Variants in ITIH1 observed in about 807,000 individuals in gnomAD.
ITIH1 encodes inter-alpha-trypsin inhibitor heavy chain H1.
Under a neutral mutation model 104.6 loss-of-function variants are expected in ITIH1, and 94 were observed. The ratio of observed to expected loss-of-function variants is 0.90; its 90% CI spans 0.76 to 1.07. The LOEUF is 1.07. Ranked by LOEUF, ITIH1 falls within the 50% of genes least tolerant of loss-of-function variation. ITIH1 has a pLI of 0.00. For missense variants in ITIH1, 1,193 were observed against 1,181.4 expected, an observed-to-expected ratio of 1.01 and a Z score of -0.14; for synonymous variants, 455 against 464.4, an observed-to-expected ratio of 0.98 and a Z score of 0.26.
At chr3:52,783,696 C>T (rs1335190599) in intron 10 of ITIH1, among the ~76,000 whole-genome samples, 3 of 152,090 alleles carry the variant, frequency 2.0e-5, no homozygotes, top group African/African-American at 7.2e-5. Context: ...GGGAACAAGA[C>T]ATATTTCTGC....
chr3:52,782,822 G>A (rs1019423263), intron 8 of ITIH1, 135 bp from the exon 9 acceptor site: 42 of 834,592 alleles, frequency 5.0e-5, no homozygotes, highest in East Asian at 4.1e-4. Context: ...CTCCTGTCTC[G>A]GGGCCACCTG....
Position 52,782,042 on chromosome 3 carries a change from C to T in ITIH1, c.790C>T (p.Arg264Ter), listed in dbSNP as rs754018319. 17 of 1,614,094 alleles carry T rather than the reference C, an allele frequency of 1.1e-5. No homozygotes were observed. In the East Asian group the frequency reaches 2.5e-4, roughly 23 times the overall value. The change falls in exon 7 of 22, where the codon CGA becomes TGA. Residue 264 changes from arginine to a stop codon, truncating the protein, a stop_gained. Transcript: ENST00000273283. LOFTEE classifies it high-confidence loss of function. ...GHFKVTYDVS[R>*]DKICDLLVAN... ...CTTCAAGGTGACCTACGATGTCAGT[C>T]GAGACAAGATCTGCGACCTCCTGGT... is the stretch of plus-strand genomic sequence containing the variant.
chr3:52,778,798 C>A, intron 3 of ITIH1, 144 bp from the exon 4 acceptor site: 1 of 1,045,842 alleles, frequency 9.6e-7, no homozygotes, highest in Non-Finnish European at 1.4e-6. Flanking sequence ...CACCTCATTG[C>A]CCATGGACCC....
intron 18 of ITIH1, among the ~76,000 whole-genome samples, chr3:52,789,064 C>T (rs1196884812): frequency 6.6e-6 from 1 of 152,208 alleles, no homozygotes; most frequent in African/African-American, 2.4e-5. Context: ...CACCCCTGCT[C>T]CCTCCTGTCT....
In ITIH1 at chr3:52,791,807, G is replaced by T; in HGVS notation, c.2632G>T (p.Asp878Tyr). The change falls in exon 22 of 22, where the codon GAC becomes TAC. Residue 878 changes from aspartate to tyrosine, a missense_variant. By Grantham distance (160) the Asp-to-Tyr change is radical (BLOSUM62 -3). Transcript: ENST00000273283. Reference sequence around the variant, plus strand: ...GGGTTTGCAAAAAGACTACAGCAAGGACCCGTGGCATGGGGCCGAGGTGTC... The same window carrying T: ...GGGTTTGCAAAAAGACTACAGCAAGTACCCGTGGCATGGGGCCGAGGTGTC... ...TRGLQKDYSK[D>Y]PWHGAEVSCW... 6.2e-7 allele frequency: 1 copy of T among 1,614,006 alleles called. No homozygotes were observed.
At chr3:52,790,055 G>GA in intron 19 of ITIH1, 1 of 603,930 alleles carries the variant, frequency 1.7e-6, no homozygotes, top group Non-Finnish European at 2.9e-6. Flanking sequence ...CCAGCTGCAT[G>GA]GCAACTGTGC....
In ITIH1 at chr3:52,789,134, TG is replaced by T. The variant is rs1394360985; in HGVS notation, c.2120-516del. Among the ~76,000 whole-genome samples, 13 of 149,256 alleles carry T rather than the reference TG, an allele frequency of 8.7e-5. 1 individual carries two copies. Among genetic ancestry groups the T allele is most frequent in the African/African-American group, 2.0e-4 (8 of 40,352 alleles). On this transcript the variant is annotated intron_variant, in intron 18 of 21. Coordinates refer to ENST00000273283, the MANE Select transcript of ITIH1 (RefSeq NM_002215.4). ...TGTTTGTTGTGCACCAACGAGGGGC[TG>T]GGAATGCAGTGGGAGCCAAGATAGT...
In ITIH1 at chr3:52,785,104, G is replaced by A. The variant is rs757658201; in HGVS notation, c.1468G>A (p.Asp490Asn). ...GGATGTGGATTTGCAGTACCCCCAG[G>A]ATGCTGTCTTGGCCCTGACCCAGAA... is the stretch of plus-strand genomic sequence containing the variant. Reference protein sequence around the residue: ...LVDVDLQYPQDAVLALTQNHH... With the variant: ...LVDVDLQYPQNAVLALTQNHH... Residue 490 changes from aspartate (D) to asparagine (N), a missense_variant, in exon 12 of 22, where the codon GAT (aspartate) becomes AAT (asparagine). By Grantham distance (23) the Asp-to-Asn change is conservative. Coordinates refer to ENST00000273283, the MANE Select transcript of ITIH1 (RefSeq NM_002215.4). The A allele has an allele frequency of 4.3e-6, 7 of 1,613,982 alleles. No individual in the cohort carries two copies. The African/African-American group carries it at 5.3e-5, about 12-fold the overall frequency.
chr3:52,785,286 C>T lies in ITIH1; in HGVS notation c.1593+57C>T, dbSNP rs1578736904. 4 of 1,542,654 alleles carry T rather than the reference C, an allele frequency of 2.6e-6. No individual in the cohort carries two copies. The South Asian group carries it at 3.4e-5, about 13-fold the overall frequency. ...CAGGCAGCACCCTAGAGGCTCCAAACCCACACTGTTCCCCATTCCTGCCAT... is the reference window on the plus strand; with the variant it reads ...CAGGCAGCACCCTAGAGGCTCCAAATCCACACTGTTCCCCATTCCTGCCAT... On this transcript the variant is annotated intron_variant, in intron 12 of 21. Transcript: ENST00000273283.
At chr3:52,777,818 C>A in intron 1 of ITIH1, 86 bp downstream of exon 1, 1 of 1,362,068 alleles carries the variant, frequency 7.3e-7, no homozygotes, top group Non-Finnish European at 1.0e-6. Flanking sequence ...ATTCAAGGGG[C>A]CAGGGTCACC....
Position 52,791,901 on chromosome 3 carries a change from A to ACATCTTCT in ITIH1, c.2727_2734dup (p.Ter912SerfsTer25). The ACATCTTCT allele has an allele frequency of 6.2e-7, 1 of 1,612,542 alleles. No homozygotes were observed. The highest frequency in any genetic ancestry group is 8.5e-7 in the Non-Finnish European group (1 of 1,179,110). On this transcript the variant is annotated frameshift_variant, in exon 22 of 22. Transcript: ENST00000273283. LOFTEE classifies it high-confidence loss of function. ...GCCTACACTGATTATATCGTCCCCG[A>ACATCTTCT]CATCTTCTGAGCCCTCTGGCCAGCA...
Position 52,791,905 on chromosome 3 carries a change from C to T in ITIH1, c.2730C>T (p.Ile910=), listed in dbSNP as rs947092590. 6.2e-7 allele frequency: 1 copy of T among 1,611,978 alleles called. No homozygotes were observed. The change falls in exon 22 of 22, where the codon ATC becomes ATT. Residue 910 remains isoleucine (I), a synonymous_variant. Transcript: ENST00000273283. ...ACACTGATTATATCGTCCCCGACAT[C>T]TTCTGAGCCCTCTGGCCAGCACGCC... ...GAYTDYIVPD[I]F
At chr3:52,781,210 TC>T (rs371006512) in intron 6 of ITIH1, among the ~76,000 whole-genome samples, 1,894 of 20,858 alleles carry the variant, frequency 0.091, 99 homozygotes, top group Middle Eastern at 0.11. Flanking sequence ...TTTTTTTTTT[TC>T]TTCTTCTTCT....
chr3:52,778,361 C>G lies in ITIH1; in HGVS notation c.160C>G (p.Arg54Gly), dbSNP rs369758909. ...VDTAVDGVFIRSLKVNCKVTS... is the reference protein window; with the variant it reads ...VDTAVDGVFIGSLKVNCKVTS... ...TTAGGCTGTCGATGGCGTGTTCATC[C>G]GGAGTTTGAAAGTCAACTGCAAAGT... Residue 54 changes from arginine (R) to glycine (G), a missense_variant, in exon 3 of 22, where the codon CGG (arginine) becomes GGG (glycine). Arg to Gly is a moderately radical substitution (Grantham distance 125). Transcript: ENST00000273283. 5 of 1,614,184 alleles carry G rather than the reference C, an allele frequency of 3.1e-6. No individual in the cohort carries two copies. In the Admixed American group the frequency reaches 8.3e-5, roughly 27 times the overall value.
intron 19 of ITIH1, 31 bp downstream of exon 19, chr3:52,789,885 G>T: frequency 6.2e-7 from 1 of 1,607,476 alleles, no homozygotes; most frequent in South Asian, 1.1e-5. Context: ...CAAGATGCAG[G>T]GGGAGGTGTG....
At position 52,779,323 on chromosome 3, in the gene ITIH1, C is replaced by A; in HGVS notation, c.411-109C>A. Reference sequence around the variant, plus strand: ...TGTGAGGTCCAGGGAAACCTGGGAGCAACACTCATCTAAGAGAAATAAATT... The same window carrying A: ...TGTGAGGTCCAGGGAAACCTGGGAGAAACACTCATCTAAGAGAAATAAATT... On this transcript the variant is annotated intron_variant, in intron 4 of 21. Transcript: ENST00000273283. The surrounding 1 kb of genome is among the most constrained non-coding windows in gnomAD (Gnocchi z 4.4). 1 of 1,222,848 alleles carries A rather than the reference C, an allele frequency of 8.2e-7. No homozygotes were observed. The highest frequency in any genetic ancestry group is 1.3e-5 in the South Asian group (1 of 75,928). The allele number at this position is 1,222,848 out of a possible 1,614,324, so 75.7% of individuals were successfully genotyped here. A position where few individuals can be genotyped will look rare whatever the true frequency, so the allele number is the denominator to read the frequency against.
chr3:52,779,523 C>A lies in ITIH1; in HGVS notation c.502C>A (p.Leu168Met), dbSNP rs1244561216. 6.2e-7 allele frequency: 1 copy of A among 1,614,208 alleles called. No homozygotes were observed. Among genetic ancestry groups the A allele is most frequent in the Non-Finnish European group, 8.5e-7 (1 of 1,180,030 alleles). Reference protein sequence around the residue: ...VTFQLTYEEVLKRNHMQYEIV... With the variant: ...VTFQLTYEEVMKRNHMQYEIV... ...GTTTCAGCTGACTTATGAGGAAGTG[C>A]TGAAGAGAAACCATATGCAGTATGA... Residue 168 changes from leucine to methionine, a missense_variant, in exon 5 of 22, where the codon CTG (leucine) becomes ATG (methionine). Transcript: ENST00000273283. This position sits in a 1 kb window ranked among gnomAD's most constrained non-coding sequence, Gnocchi z 4.4.
intron 6 of ITIH1, among the ~76,000 whole-genome samples, chr3:52,780,775 G>C (rs1699015450): frequency 6.6e-6 from 1 of 152,212 alleles, no homozygotes; most frequent in Non-Finnish European, 1.5e-5. Context: ...CAAGCTTCAG[G>C]TTTCTTGGAA....
intron 5 of ITIH1, chr3:52,780,009 G>C: frequency 2.2e-6 from 3 of 1,374,274 alleles, no homozygotes; most frequent in Non-Finnish European, 2.8e-6. Context: ...AGTGCCTACT[G>C]AGTACCAGGC....
Sources: gnomAD v4.1 joint callset for allele counts (sites outside exome capture counted in the v4.1 genomes callset) on GRCh38, gnomAD v4.1.1 for gene constraint, Gnocchi (gnomAD v3.1) non-coding constraint, MANE v1.5 for transcripts, NCBI Gene and HGNC (gene_info 2026-07-23, HGNC 2026-07-21) for gene names.